GEM: variants seen among roughly 807,000 people sequenced by gnomAD.
The protein encoded by GEM is GTP binding protein overexpressed in skeletal muscle.
Under a neutral mutation model 33.0 loss-of-function variants are expected in GEM, and 31 were observed. That is an observed-to-expected ratio of 0.94 (90% CI 0.71 to 1.27). The LOEUF (loss-of-function observed/expected upper bound fraction) is 1.27, where lower values mean the gene tolerates loss of function less well. GEM is among the 50% of genes most tolerant of loss of function. The pLI is 0.00. For missense variants in GEM, 354 were observed against 390.5 expected, an observed-to-expected ratio of 0.91 and a Z score of 0.79; for synonymous variants, 141 against 143.7, an observed-to-expected ratio of 0.98 and a Z score of 0.13.
intron 4 of GEM, 59 bp downstream of exon 4, chr8:94,251,960 G>T: frequency 1.5e-6 from 2 of 1,300,758 alleles, no homozygotes; most frequent in South Asian, 1.2e-5. Context: ...ACCCGTGTCT[G>T]AAGGAAAACA....
At position 94,249,684 on chromosome 8, in the gene GEM, G is replaced by T. The variant is rs960142417; in HGVS notation, c.*626C>A. The T allele has an allele frequency of 2.2e-4, 33 of 151,878 alleles. No individual in the cohort carries two copies. The highest frequency in any genetic ancestry group is 8.0e-4 in the African/African-American group (33 of 41,436). The allele number at this position is 151,878 out of a possible 1,614,324, so 9.4% of individuals were successfully genotyped here. ...AGAAATTGTAAGATATAATTTTTGAGCCTATAAGGGACACATGTATCAGTT... is the reference window on the plus strand; with the variant it reads ...AGAAATTGTAAGATATAATTTTTGATCCTATAAGGGACACATGTATCAGTT... On this transcript the variant is annotated 3_prime_UTR_variant, in exon 5 of 5. Coordinates refer to ENST00000297596, the MANE Select transcript of GEM (RefSeq NM_005261.4).
intron 2 of GEM, among the ~76,000 whole-genome samples, chr8:94,254,043 C>T (rs535412142): frequency 1.4e-3 from 206 of 152,144 alleles, no homozygotes; most frequent in South Asian, 2.9e-3. Context: ...AATCTTTTCC[C>T]TCAAATACCC....
At chr8:94,254,644 G>A (rs1050989761) in intron 2 of GEM, among the ~76,000 whole-genome samples, 54 of 152,340 alleles carry the variant, frequency 3.5e-4, no homozygotes, top group African/African-American at 1.2e-3. Flanking sequence ...AGAGAGCTAC[G>A]TTGGAACCAG....
intron 2 of GEM, among the ~76,000 whole-genome samples, chr8:94,259,587 A>C (rs1808971405): frequency 6.6e-6 from 1 of 152,218 alleles, no homozygotes; most frequent in African/African-American, 2.4e-5. Context: ...TCCAATCAAT[A>C]AATAGATGAA....
intron 3 of GEM, among the ~76,000 whole-genome samples, chr8:94,252,734 G>A (rs1409400702): frequency 2.6e-5 from 4 of 152,216 alleles, no homozygotes; most frequent in Non-Finnish European, 5.9e-5. Context: ...TGAGATGGAT[G>A]TATGTTATTT....
At position 94,250,484 on chromosome 8, in the gene GEM, C is replaced by T. The variant is rs1808741370; in HGVS notation, c.717G>A (p.Val239=). The change falls in exon 5 of 5, where the codon GTG becomes GTA. Residue 239 remains valine (V), a synonymous_variant. Transcript: ENST00000297596. ...TCTCCTTGCTGTCCCGCCGAAGGCG[C>T]ACCTGTCGCACAATGCCCTCAAACA... The part of the protein sequence containing the change: ...KELFEGIVRQ[V]RLRRDSKEKN... The T allele has an allele frequency of 6.2e-7, 1 of 1,614,250 alleles. No homozygotes were observed. The highest frequency in any genetic ancestry group is 8.5e-7 in the Non-Finnish European group (1 of 1,180,038).
At chr8:94,251,580 A>G (rs1200480916) in intron 4 of GEM, among the ~76,000 whole-genome samples, 2 of 152,196 alleles carry the variant, frequency 1.3e-5, no homozygotes, top group African/African-American at 2.4e-5. Flanking sequence ...TGATGCCTCA[A>G]ATGAAATTTC....
At chr8:94,255,865 C>T (rs559804101) in intron 2 of GEM, among the ~76,000 whole-genome samples, 2 of 152,216 alleles carry the variant, frequency 1.3e-5, no homozygotes, top group African/African-American at 4.8e-5. Context: ...GACAGACAGA[C>T]GTTCTATAAG....
chr8:94,255,941 C>T (rs528639475), intron 2 of GEM, among the ~76,000 whole-genome samples: 3 of 152,304 alleles, frequency 2.0e-5, no homozygotes, highest in Admixed American at 6.5e-5. Context: ...ATCCCCCTGA[C>T]AGACTCTCTC....
At chr8:94,259,875 C>T (rs964871365) in intron 2 of GEM, 10 of 295,282 alleles carry the variant, frequency 3.4e-5, no homozygotes, top group Admixed American at 1.8e-4. Context: ...TCAAGTGGGG[C>T]GCTGACCCTC....
intron 2 of GEM, among the ~76,000 whole-genome samples, chr8:94,255,681 G>A (rs952707782): frequency 6.6e-6 from 1 of 152,208 alleles, no homozygotes; most frequent in East Asian, 1.9e-4. Context: ...CTCTAGGAGA[G>A]CTCTTTGAAA....
At chr8:94,251,996 A>G (rs1808778852) in intron 4 of GEM, 23 bp downstream of exon 4, 4 of 1,552,542 alleles carry the variant, frequency 2.6e-6, no homozygotes, top group Non-Finnish European at 3.6e-6. Flanking sequence ...TTGTTTCTAC[A>G]GTATTGGCTC....
In GEM at chr8:94,249,972, A is replaced by ATTTTTAATG; in HGVS notation, c.*329_*337dup. 1 of 211,304 alleles carries ATTTTTAATG rather than the reference A, an allele frequency of 4.7e-6. No individual in the cohort carries two copies. Among genetic ancestry groups the ATTTTTAATG allele is most frequent in the Non-Finnish European group, 9.3e-6 (1 of 108,014 alleles). The allele number at this position is 211,304 out of a possible 1,614,324, so 13.1% of individuals were successfully genotyped here. On this transcript the variant is annotated 3_prime_UTR_variant, in exon 5 of 5. Transcript: ENST00000297596. ...GTCACATATCAGAACACTGGGAAAA[A>ATTTTTAATG]TTTTTAATGATGAAAAGTTCTTGTT... is the stretch of plus-strand genomic sequence containing the variant.
At chr8:94,251,908 C>A in intron 4 of GEM, 111 bp downstream of exon 4, 2 of 802,184 alleles carry the variant, frequency 2.5e-6, no homozygotes, top group Non-Finnish European at 4.3e-6. Flanking sequence ...CATATAGCAT[C>A]TTAATGAGTT....
At position 94,253,083 on chromosome 8, in the gene GEM, C is replaced by G; in HGVS notation, c.361G>C (p.Asp121His). ...AGTATAATCGTTGCACTTTCCCCAT[C>G]AACCATCAGGGTTCGTTCATATGTA... is the stretch of plus-strand genomic sequence containing the variant. Reference protein sequence around the residue: ...EDTYERTLMVDGESATIILLD... With the variant: ...EDTYERTLMVHGESATIILLD... The change falls in exon 3 of 5, where the codon GAT (aspartate) becomes CAT (histidine). Residue 121 changes from aspartate (D) to histidine (H), a missense_variant. Coordinates refer to ENST00000297596, the MANE Select transcript of GEM (RefSeq NM_005261.4). The G allele has an allele frequency of 6.2e-7, 1 of 1,601,770 alleles. No homozygotes were observed. Among genetic ancestry groups the G allele is most frequent in the Non-Finnish European group, 8.6e-7 (1 of 1,168,828 alleles).
At chr8:94,253,202 A>G (rs1007765408) in intron 2 of GEM, 90 bp from the exon 3 acceptor site, 2 of 728,366 alleles carry the variant, frequency 2.7e-6, no homozygotes, top group Non-Finnish European at 5.0e-6. Context: ...GCTAGAACAT[A>G]AACTTACTAA....
chr8:94,256,502 C>T (rs969833393), intron 2 of GEM, among the ~76,000 whole-genome samples: 2 of 152,156 alleles, frequency 1.3e-5, no homozygotes, highest in African/African-American at 4.8e-5. Context: ...GTGTGAAACC[C>T]GCCCAAGTGT....
intron 2 of GEM, among the ~76,000 whole-genome samples, chr8:94,258,180 T>C (rs1303622005): frequency 6.6e-6 from 1 of 152,180 alleles, no homozygotes; most frequent in Admixed American, 6.5e-5. Flanking sequence ...TAACATTTTA[T>C]GCCTATGGGA....
rs762667312 is a variant in GEM at position 94,253,098 on chromosome 8, G to C, written c.346C>G (p.Arg116Gly). The change falls in exon 3 of 5, where the codon CGA becomes GGA. Residue 116 changes from arginine to glycine, a missense_variant. By Grantham distance (125) the Arg-to-Gly change is moderately radical (BLOSUM62 -2). Coordinates refer to ENST00000297596, the MANE Select transcript of GEM (RefSeq NM_005261.4). The part of the protein sequence containing the change: ...CEVLGEDTYE[R>G]TLMVDGESAT... ...CTTTCCCCATCAACCATCAGGGTTC[G>C]TTCATATGTATCTTCTAGAGAAGAA... 6.3e-7 allele frequency: 1 copy of C among 1,582,446 alleles called. No individual in the cohort carries two copies.
Sources: gnomAD v4.1 joint callset for allele counts (sites outside exome capture counted in the v4.1 genomes callset) on GRCh38, gnomAD v4.1.1 for gene constraint, MANE v1.5 for transcripts, NCBI Gene and HGNC (gene_info 2026-07-23, HGNC 2026-07-21) for gene names.